Variants in WNT2 observed in about 807,000 individuals in gnomAD.
WNT2 encodes the protein protein Wnt-2.
In WNT2, 12 loss-of-function variants were observed where a neutral mutation model predicts 36.9. That is an observed-to-expected ratio of 0.33 (90% CI 0.21 to 0.53). The LOEUF (loss-of-function observed/expected upper bound fraction) is 0.53, where lower values mean the gene tolerates loss of function less well. Ranked by LOEUF, WNT2 falls within the 20% of genes least tolerant of loss-of-function variation. The probability of loss-of-function intolerance (pLI) is 0.95; values close to 1 mark genes in which losing one functional copy is unlikely to be tolerated. For synonymous variants in WNT2, 163 were observed against 174.6 expected, an observed-to-expected ratio of 0.93 and a Z score of 0.52; for missense variants, 379 against 473.1, an observed-to-expected ratio of 0.80 and a Z score of 1.84.
chr7:117,278,506 G>A (rs1483842429), intron 4 of WNT2, 122 bp from the exon 5 acceptor site: 8 of 957,428 alleles, frequency 8.4e-6, no homozygotes, highest in African/African-American at 1.6e-5. Context: ...CCTACAGCCT[G>A]GGGCTGTTAT....
chr7:117,285,005 C>G (rs1794555789), intron 4 of WNT2, among the ~76,000 whole-genome samples: 1 of 152,238 alleles, frequency 6.6e-6, no homozygotes, highest in Admixed American at 6.5e-5. Context: ...CGGCCAGGCA[C>G]CAGAAAGCAG....
intron 4 of WNT2, among the ~76,000 whole-genome samples, chr7:117,295,892 A>G (rs1033670224): frequency 5.9e-5 from 9 of 152,114 alleles, no homozygotes; most frequent in Non-Finnish European, 1.0e-4. Flanking sequence ...GGTGTTGATC[A>G]TCTAGGAGCC....
chr7:117,280,790 G>T (rs1158435932), intron 4 of WNT2, among the ~76,000 whole-genome samples: 1 of 152,232 alleles, frequency 6.6e-6, no homozygotes, highest in African/African-American at 2.4e-5. Flanking sequence ...GCATGAAAGT[G>T]CCTGGCATAA....
At chr7:117,294,225 T>C (rs1269121286) in intron 4 of WNT2, among the ~76,000 whole-genome samples, 1 of 152,072 alleles carries the variant, frequency 6.6e-6, no homozygotes, top group East Asian at 1.9e-4. Context: ...AGGCCATTGG[T>C]CACATAACCA....
intron 2 of WNT2, among the ~76,000 whole-genome samples, chr7:117,318,101 C>T (rs926382223): frequency 6.6e-6 from 1 of 152,194 alleles, no homozygotes; most frequent in African/African-American, 2.4e-5. Context: ...TAAAGTCAAA[C>T]AGGCAAATGT....
chr7:117,282,356 G>C (rs1390961701), intron 4 of WNT2, among the ~76,000 whole-genome samples: 1 of 151,742 alleles, frequency 6.6e-6, no homozygotes, highest in African/African-American at 2.4e-5. Context: ...GAGGAGAAGG[G>C]GAGGGAGGAG....
In WNT2 at chr7:117,278,404, G is replaced by T. The variant is rs550377034; in HGVS notation, c.854-20C>A. ...GGGAGCCTGGAAGACAAGCCAGGGAGTGTTACTGAAAAGGTCTGGGTGGAA... is the reference window on the plus strand; with the variant it reads ...GGGAGCCTGGAAGACAAGCCAGGGATTGTTACTGAAAAGGTCTGGGTGGAA... On this transcript the variant is annotated intron_variant, in intron 4 of 4. Transcript: ENST00000265441. 1 of 1,604,842 alleles carries T rather than the reference G, an allele frequency of 6.2e-7. No homozygotes were observed. The highest frequency in any genetic ancestry group is 1.7e-5 in the Admixed American group (1 of 58,810).
chr7:117,295,432 G>A (rs547988881), intron 4 of WNT2, among the ~76,000 whole-genome samples: 41 of 152,218 alleles, frequency 2.7e-4, no homozygotes, highest in Non-Finnish European at 1.6e-4. Flanking sequence ...GAGTACGCAA[G>A]AATAACTTAG....
At chr7:117,280,274 A>G (rs886873030) in intron 4 of WNT2, among the ~76,000 whole-genome samples, 3 of 152,208 alleles carry the variant, frequency 2.0e-5, no homozygotes, top group Admixed American at 6.5e-5. Flanking sequence ...CCATCAGGAC[A>G]GTCCTCAAAA....
chr7:117,295,487 G>A (rs62469411), intron 4 of WNT2, among the ~76,000 whole-genome samples: 3 of 146,186 alleles, frequency 2.1e-5, no homozygotes, highest in African/African-American at 7.6e-5. Flanking sequence ...TCACCTCTGT[G>A]GGGTAAAAAA....
intron 2 of WNT2, among the ~76,000 whole-genome samples, chr7:117,317,737 TG>T (rs1176685913): frequency 6.6e-6 from 1 of 152,204 alleles, no homozygotes; most frequent in Non-Finnish European, 1.5e-5. Context: ...CTCTAATTTT[TG>T]TATGGAGATA....
intron 3 of WNT2, 72 bp downstream of exon 3, chr7:117,314,999 T>G (rs1175652081): frequency 6.4e-7 from 1 of 1,556,884 alleles, no homozygotes; most frequent in Non-Finnish European, 8.7e-7. Context: ...TAGGGAAGTT[T>G]AAGATAAGCT....
rs1673790620 is a variant in WNT2 at position 117,320,515 on chromosome 7, G to GAGCT, written c.310+48_310+51dup. 12 of 1,515,854 alleles carry GAGCT rather than the reference G, an allele frequency of 7.9e-6. No individual in the cohort carries two copies. In the South Asian group the frequency reaches 1.2e-4, roughly 15 times the overall value. The allele number at this position is 1,515,854 out of a possible 1,614,324, so 93.9% of individuals were successfully genotyped here. ...CAGGGTCTTTGAAGATGGAGTGAGG[G>GAGCT]AGCTGTGCATGAGTGGAGAGCCATA... On this transcript the variant is annotated intron_variant, in intron 2 of 4. Coordinates refer to ENST00000265441, the MANE Select transcript of WNT2 (RefSeq NM_003391.3).
chr7:117,278,608 G>A (rs1442381754), intron 4 of WNT2, among the ~76,000 whole-genome samples: 1 of 152,230 alleles, frequency 6.6e-6, no homozygotes. Flanking sequence ...TCCCAAAAAG[G>A]TGAACATGAA....
intron 4 of WNT2, among the ~76,000 whole-genome samples, chr7:117,296,166 C>T (rs1209313433): frequency 6.6e-6 from 1 of 152,158 alleles, no homozygotes; most frequent in Admixed American, 6.5e-5. Context: ...TATCCAAGCA[C>T]AGGTTTCATG....
At chr7:117,298,347 A>T (rs1794834354) in intron 3 of WNT2, among the ~76,000 whole-genome samples, 1 of 152,234 alleles carries the variant, frequency 6.6e-6, no homozygotes, top group Non-Finnish European at 1.5e-5. Context: ...CAATCAGGGT[A>T]ATTGTACTAT....
intron 3 of WNT2, among the ~76,000 whole-genome samples, chr7:117,300,298 T>C (rs1361599556): frequency 6.6e-6 from 1 of 152,184 alleles, no homozygotes; most frequent in East Asian, 1.9e-4. Context: ...GCGATTCTAC[T>C]GCCTCAGCCT....
intron 2 of WNT2, among the ~76,000 whole-genome samples, chr7:117,318,110 G>A (rs1795254260): frequency 6.6e-6 from 1 of 152,292 alleles, no homozygotes; most frequent in African/African-American, 2.4e-5. Context: ...ACAGGCAAAT[G>A]TTCTCCATTT....
intron 3 of WNT2, among the ~76,000 whole-genome samples, chr7:117,305,571 A>G (rs1379370914): frequency 6.6e-6 from 1 of 152,188 alleles, no homozygotes; most frequent in Non-Finnish European, 1.5e-5. Context: ...CTTCATATTT[A>G]AGAATGAAGT....
Sources: allele counts gnomAD v4.1 joint callset (sites outside exome capture counted in the v4.1 genomes callset), GRCh38; gene constraint gnomAD v4.1.1; transcripts MANE v1.5; gene names NCBI Gene and HGNC (gene_info 2026-07-23, HGNC 2026-07-21).